SLC9A9: variants seen among roughly 807,000 people sequenced by gnomAD.
SLC9A9 encodes solute carrier family 9 member A9.
In SLC9A9, 62 loss-of-function variants were observed where a neutral mutation model predicts 77.8. The ratio of observed to expected loss-of-function variants is 0.80; its 90% CI spans 0.65 to 0.98. The LOEUF is 0.98. Among genes scored for constraint, SLC9A9 ranks in the 50% least tolerant of loss-of-function variants. The pLI is 0.00. For synonymous variants in SLC9A9, 320 were observed against 283.5 expected (o/e 1.13, Z -1.29); for missense variants, 775 against 774.9 (o/e 1.00, Z 0.00).
chr3:143,292,468 G>A (rs1307097378), intron 14 of SLC9A9, among the ~76,000 whole-genome samples: 4 of 152,014 alleles, frequency 2.6e-5, no homozygotes, highest in African/African-American at 7.2e-5. Context: ...AACCCAAATC[G>A]GCCTAGATTC....
chr3:143,684,050 C>A (rs1000606462), intron 5 of SLC9A9, among the ~76,000 whole-genome samples: 3 of 151,240 alleles, frequency 2.0e-5, no homozygotes, highest in Non-Finnish European at 2.9e-5. Flanking sequence ...TAAAATAAAC[C>A]TTATAGTCCC....
chr3:143,394,227 A>G (rs2033642869), intron 12 of SLC9A9, among the ~76,000 whole-genome samples: 1 of 152,234 alleles, frequency 6.6e-6, no homozygotes. Context: ...AACTGAATCC[A>G]GCGGCACATC....
chr3:143,752,578 A>T (rs895281604), intron 4 of SLC9A9, among the ~76,000 whole-genome samples: 1 of 152,104 alleles, frequency 6.6e-6, no homozygotes, highest in South Asian at 2.1e-4. Context: ...GAGTGTAGTT[A>T]TAATACTTGG....
At chr3:143,805,731 G>T (rs985755513) in intron 2 of SLC9A9, among the ~76,000 whole-genome samples, 1 of 151,876 alleles carries the variant, frequency 6.6e-6, no homozygotes, top group African/African-American at 2.4e-5. Context: ...TGTGTACCCC[G>T]CTCCTGCCTG....
chr3:143,269,120 CA>C, intron 14 of SLC9A9, 140 bp from the exon 15 acceptor site: 1 of 681,448 alleles, frequency 1.5e-6, no homozygotes. Flanking sequence ...ATTTGCCCTG[CA>C]AAAATTGCTG....
At chr3:143,475,260 C>T (rs569692312) in intron 11 of SLC9A9, among the ~76,000 whole-genome samples, 20 of 151,738 alleles carry the variant, frequency 1.3e-4, no homozygotes, top group African/African-American at 4.8e-4. Flanking sequence ...AGCCACTGTG[C>T]CTGGCCGTTT....
intron 4 of SLC9A9, among the ~76,000 whole-genome samples, chr3:143,701,221 T>C (rs1418705627): frequency 2.0e-5 from 3 of 152,106 alleles, no homozygotes; most frequent in Non-Finnish European, 4.4e-5. Context: ...CTACAATAAA[T>C]AGCCAACTGT....
At chr3:143,343,298 T>G (rs1285805459) in intron 14 of SLC9A9, 1 of 152,192 alleles carries the variant, frequency 6.6e-6, no homozygotes, top group African/African-American at 2.4e-5. Flanking sequence ...TTGATTTTTT[T>G]GTAGTGGCAA....
intron 11 of SLC9A9, among the ~76,000 whole-genome samples, chr3:143,486,851 G>A (rs1050519459): frequency 6.6e-6 from 1 of 152,030 alleles, no homozygotes; most frequent in African/African-American, 2.4e-5. Context: ...ACAAAAGGCA[G>A]TAGTGCAGTA....
chr3:143,740,326 C>T (rs1388144623), intron 4 of SLC9A9, among the ~76,000 whole-genome samples: 1 of 152,160 alleles, frequency 6.6e-6, no homozygotes, highest in Admixed American at 6.5e-5. Flanking sequence ...TGAAGTAGGA[C>T]TTTCAATGAG....
At chr3:143,686,972 C>G (rs529428092) in intron 5 of SLC9A9, among the ~76,000 whole-genome samples, 43 of 152,230 alleles carry the variant, frequency 2.8e-4, no homozygotes, top group African/African-American at 1.0e-3. Context: ...TTCTTTCTTT[C>G]CCTGTCCTGC....
intron 5 of SLC9A9, among the ~76,000 whole-genome samples, chr3:143,666,125 G>T (rs2039062502): frequency 6.6e-6 from 1 of 152,268 alleles, no homozygotes; most frequent in South Asian, 2.1e-4. Context: ...ACATCAAAAA[G>T]CTTATCCACC....
At chr3:143,546,319 A>T (rs2036788195) in intron 9 of SLC9A9, among the ~76,000 whole-genome samples, 1 of 152,242 alleles carries the variant, frequency 6.6e-6, no homozygotes, top group Admixed American at 6.5e-5. Flanking sequence ...GAAATAAAAT[A>T]AGCATCTGGA....
chr3:143,320,596 G>A (rs900441874), intron 14 of SLC9A9, among the ~76,000 whole-genome samples: 1 of 152,104 alleles, frequency 6.6e-6, no homozygotes, highest in African/African-American at 2.4e-5. Flanking sequence ...TAACCAGATC[G>A]CATGTGAACT....
At chr3:143,659,136 C>T (rs2038941034) in intron 5 of SLC9A9, among the ~76,000 whole-genome samples, 1 of 152,112 alleles carries the variant, frequency 6.6e-6, no homozygotes, top group African/African-American at 2.4e-5. Flanking sequence ...AGGATTTTCA[C>T]TTCAGCATTT....
chr3:143,354,674 C>CT (rs1175737718), intron 14 of SLC9A9, among the ~76,000 whole-genome samples: 1 of 152,226 alleles, frequency 6.6e-6, no homozygotes, highest in Non-Finnish European at 1.5e-5. Flanking sequence ...ACATTATACT[C>CT]TTTTTTCATG....
intron 12 of SLC9A9, among the ~76,000 whole-genome samples, chr3:143,435,405 A>G (rs749072419): frequency 3.3e-5 from 5 of 152,212 alleles, no homozygotes; most frequent in South Asian, 2.1e-4. Context: ...CAAAGTTTTC[A>G]AAGTAAACAA....
intron 1 of SLC9A9, among the ~76,000 whole-genome samples, chr3:143,840,226 T>C (rs2009672492): frequency 6.1e-5 from 2 of 32,646 alleles, no homozygotes; most frequent in Admixed American, 8.2e-4. Context: ...AGAAGCATTG[T>C]CATATAAGAT....
At chr3:143,351,371 T>C (rs1343398547) in intron 14 of SLC9A9, among the ~76,000 whole-genome samples, 2 of 152,214 alleles carry the variant, frequency 1.3e-5, no homozygotes, top group African/African-American at 2.4e-5. Flanking sequence ...TTTCAAAGGT[T>C]TGCAAAAGAC....
Sources: gnomAD v4.1 joint callset for allele counts (sites outside exome capture counted in the v4.1 genomes callset) on GRCh38, gnomAD v4.1.1 for gene constraint, MANE v1.5 for transcripts, NCBI Gene and HGNC (gene_info 2026-07-23, HGNC 2026-07-21) for gene names.